Variants in GFRAL observed in about 807,000 individuals in gnomAD.
GFRAL encodes GDNF family receptor alpha like.
In GFRAL, 36 loss-of-function variants were observed where a neutral mutation model predicts 45.4. The ratio of observed to expected loss-of-function variants is 0.79; its 90% CI spans 0.61 to 1.05. The LOEUF (loss-of-function observed/expected upper bound fraction) is 1.05. GFRAL is among the 50% of genes least tolerant of loss of function. The pLI is 0.00. For synonymous variants in GFRAL, 166 were observed against 154.1 expected, an observed-to-expected ratio of 1.08 and a Z score of -0.57; for missense variants, 507 against 467.5, an observed-to-expected ratio of 1.08 and a Z score of -0.78.
intron 6 of GFRAL, among the ~76,000 whole-genome samples, chr6:55,385,066 C>T (rs1301552268): frequency 1.3e-5 from 2 of 152,034 alleles, no homozygotes; most frequent in African/African-American, 4.8e-5. Context: ...TCAGGTGTTT[C>T]CCTTTGAGCA....
At chr6:55,398,583 GA>G (rs1170156419) in intron 6 of GFRAL, among the ~76,000 whole-genome samples, 2 of 152,160 alleles carry the variant, frequency 1.3e-5, no homozygotes, top group African/African-American at 4.8e-5. Flanking sequence ...TTGTTTTTAT[GA>G]ACTGGTCACT....
rs1554188547 is a variant in GFRAL, at chr6:55,355,149, G to GC, written c.701+3566_701+3567insC. On this transcript the variant is annotated intron_variant, in intron 5 of 8. Transcript: ENST00000340465. Reference sequence around the variant, plus strand: ...ATATACTTCTCTATATATTGTTTTTGTTTTTTTTCCCTAAATGTGGATTAA... The same window carrying GC: ...ATATACTTCTCTATATATTGTTTTTGCTTTTTTTTCCCTAAATGTGGATTAA... 8.6e-5 allele frequency among the ~76,000 whole-genome samples: 13 copies of GC among 151,096 alleles called. No homozygotes were observed. In the Admixed American group the frequency reaches 8.6e-4, roughly 10 times the overall value.
chr6:55,394,962 AT>A (rs1768802403), intron 6 of GFRAL, among the ~76,000 whole-genome samples: 1 of 151,844 alleles, frequency 6.6e-6, no homozygotes, highest in African/African-American at 2.4e-5. Context: ...GAAATCCCAT[AT>A]TTTATCCTTG....
intron 5 of GFRAL, among the ~76,000 whole-genome samples, chr6:55,357,545 T>C (rs1208094198): frequency 1.3e-5 from 2 of 151,780 alleles, no homozygotes; most frequent in East Asian, 3.9e-4. Flanking sequence ...TTTTTCAATC[T>C]ATGTGTTTCT....
In GFRAL at chr6:55,350,230, C is replaced by T. The variant is rs373444442; in HGVS notation, c.370+85C>T. ...AGTTACCAGGCTTCTTAAAGATAGG[C>T]CAATACAGAACAAATCATGTGGTTT... is the stretch of plus-strand genomic sequence containing the variant. On this transcript the variant is annotated intron_variant, in intron 4 of 8. Coordinates refer to ENST00000340465, the MANE Select transcript of GFRAL (RefSeq NM_207410.2). The T allele has an allele frequency of 1.6e-5, 12 of 771,168 alleles. No individual in the cohort carries two copies. The African/African-American group carries it at 1.7e-4, about 11-fold the overall frequency. 47.8% of individuals were successfully genotyped at this position (771,168 alleles called of 1,614,324 possible).
At chr6:55,331,087 G>T (rs1417480477) in intron 1 of GFRAL, among the ~76,000 whole-genome samples, 1 of 152,066 alleles carries the variant, frequency 6.6e-6, no homozygotes, top group Non-Finnish European at 1.5e-5. Flanking sequence ...AGGAACGCTG[G>T]AAATACTGAG....
chr6:55,348,295 T>G (rs1768070445), intron 3 of GFRAL, among the ~76,000 whole-genome samples: 1 of 152,048 alleles, frequency 6.6e-6, no homozygotes, highest in Admixed American at 6.6e-5. Context: ...AATGTGTAAA[T>G]GTTAATTTCA....
chr6:55,389,306 T>C (rs1768718073), intron 6 of GFRAL, among the ~76,000 whole-genome samples: 1 of 152,152 alleles, frequency 6.6e-6, no homozygotes, highest in East Asian at 1.9e-4. Flanking sequence ...TGTCTGACCA[T>C]ATATTGAAAG....
intron 5 of GFRAL, among the ~76,000 whole-genome samples, chr6:55,355,437 T>C (rs1408393991): frequency 3.3e-5 from 5 of 152,052 alleles, no homozygotes; most frequent in Admixed American, 6.6e-5. Context: ...TTGCTTAGTC[T>C]TTTTTGGACA....
intron 5 of GFRAL, among the ~76,000 whole-genome samples, chr6:55,356,838 A>G (rs1768201533): frequency 6.6e-6 from 1 of 151,660 alleles, no homozygotes; most frequent in Non-Finnish European, 1.5e-5. Context: ...ATTTCTATAA[A>G]CTTTTCTCTT....
chr6:55,379,553 A>G (rs1416506657), intron 6 of GFRAL, among the ~76,000 whole-genome samples: 4 of 132,592 alleles, frequency 3.0e-5, no homozygotes, highest in East Asian at 4.6e-4. Flanking sequence ...TATTTACCAT[A>G]TGCAAGATGA....
chr6:55,365,283 T>C (rs1768344758), intron 6 of GFRAL, among the ~76,000 whole-genome samples: 2 of 142,186 alleles, frequency 1.4e-5, no homozygotes, highest in Non-Finnish European at 3.1e-5. Context: ...TTTTGTACAT[T>C]GATTTTGTAT....
intron 4 of GFRAL, among the ~76,000 whole-genome samples, chr6:55,350,555 G>A (rs1032671992): frequency 2.0e-5 from 3 of 151,882 alleles, no homozygotes; most frequent in Admixed American, 6.6e-5. Flanking sequence ...TCAAAACTTA[G>A]CGGGTCATGT....
intron 6 of GFRAL, among the ~76,000 whole-genome samples, chr6:55,389,598 T>G (rs575866590): frequency 1.3e-5 from 2 of 152,222 alleles, no homozygotes; most frequent in South Asian, 4.1e-4. Flanking sequence ...GATAGAAAAC[T>G]GGAGCATCAA....
chr6:55,369,955 CA>C (rs1308138471), intron 6 of GFRAL, among the ~76,000 whole-genome samples: 4 of 152,118 alleles, frequency 2.6e-5, no homozygotes, highest in Non-Finnish European at 4.4e-5. Flanking sequence ...TGATCCTGAT[CA>C]CAAAGTGATG....
intron 3 of GFRAL, among the ~76,000 whole-genome samples, chr6:55,347,794 T>C (rs1183089795): frequency 6.6e-6 from 1 of 152,060 alleles, no homozygotes; most frequent in East Asian, 1.9e-4. Flanking sequence ...CTTGCTTCCA[T>C]GGGTGATTCT....
chr6:55,375,123 A>T (rs987503971), intron 6 of GFRAL, among the ~76,000 whole-genome samples: 2 of 152,040 alleles, frequency 1.3e-5, no homozygotes, highest in Non-Finnish European at 2.9e-5. Flanking sequence ...TTTGCTCCAT[A>T]TGAATTTTTA....
chr6:55,372,661 C>A (rs1768467529), intron 6 of GFRAL, among the ~76,000 whole-genome samples: 2 of 152,104 alleles, frequency 1.3e-5, no homozygotes, highest in African/African-American at 2.4e-5. Flanking sequence ...GGCAACAGTG[C>A]ATATCACACA....
In GFRAL at chr6:55,396,333, T is replaced by C. The variant is rs375530170; in HGVS notation, c.953-2847T>C. ...TGAGATGATTCTTTCTAAACTCTGCTAGGTGAGTGTTTAACAATTAAGGCA... is the reference window on the plus strand; with the variant it reads ...TGAGATGATTCTTTCTAAACTCTGCCAGGTGAGTGTTTAACAATTAAGGCA... On this transcript the variant is annotated intron_variant, in intron 6 of 8. Coordinates refer to ENST00000340465, the MANE Select transcript of GFRAL (RefSeq NM_207410.2). Among the ~76,000 whole-genome samples the C allele has an allele frequency of 2.8e-4, 42 of 152,334 alleles. No homozygotes were observed. The South Asian group carries it at 7.9e-3, about 29-fold the overall frequency.
Sources: allele counts gnomAD v4.1 joint callset (sites outside exome capture counted in the v4.1 genomes callset), GRCh38; gene constraint gnomAD v4.1.1; transcripts MANE v1.5; gene names NCBI Gene and HGNC (gene_info 2026-07-23, HGNC 2026-07-21).